The following CEP290 variants were observed in gnomAD, a reference collection of about 807,000 sequenced individuals.
CEP290 encodes the protein centrosomal protein 290.
Under a neutral mutation model 344.9 loss-of-function variants are expected in CEP290, and 317 were observed. The observed-to-expected ratio is 0.92, with a 90% CI of 0.84 to 1.01. The LOEUF (loss-of-function observed/expected upper bound fraction) is 1.01, where lower values mean the gene tolerates loss of function less well. Among genes scored for constraint, CEP290 ranks in the 50% least tolerant of loss-of-function variants. CEP290 has a pLI of 0.00. For synonymous variants in CEP290, 932 were observed against 895.8 expected (o/e 1.04, Z -0.72); for missense variants, 2,754 against 2,761.4 (o/e 1.00, Z 0.06).
chr12:88,118,447 T>C (rs1327472637), intron 17 of CEP290, 36 bp downstream of exon 17: 3 of 1,455,548 alleles, frequency 2.1e-6, no homozygotes, highest in Non-Finnish European at 2.8e-6. Flanking sequence ...CACTTATCAA[T>C]AATTCTTTTT....
rs1274778299 is a variant in CEP290, at chr12:88,062,750, C to T, written c.6299G>A (p.Cys2100Tyr). The T allele has an allele frequency of 4.4e-6, 7 of 1,592,448 alleles. No individual in the cohort carries two copies. The highest frequency in any genetic ancestry group is 1.7e-4 in the Middle Eastern group (1 of 6,026). The change falls in exon 46 of 54, where the codon TGT becomes TAT. Residue 2100 changes from cysteine (C) to tyrosine (Y), a missense_variant. Coordinates refer to ENST00000552810, the MANE Select transcript of CEP290 (RefSeq NM_025114.4). ...KNQVRDLKEM[C>Y]EFLKKEKAEV... ...TGCTTTTTCTTTCTTAAGAAATTCA[C>T]ACATTTCCTTCAAATCTCTGACTTG...
At chr12:88,133,154 C>T (rs2040177266) in intron 6 of CEP290, among the ~76,000 whole-genome samples, 1 of 150,756 alleles carries the variant, frequency 6.6e-6, no homozygotes. Context: ...CAGCTCACTG[C>T]AACCTCTGCC....
chr12:88,093,946 T>C lies in CEP290; in HGVS notation c.3133A>G (p.Lys1045Glu). 1 of 1,611,810 alleles carries C rather than the reference T, an allele frequency of 6.2e-7. No individual in the cohort carries two copies. Among genetic ancestry groups the C allele is most frequent in the Non-Finnish European group, 8.5e-7 (1 of 1,179,132 alleles). Residue 1045 changes from lysine to glutamate, a missense_variant, in exon 28 of 54, where the codon AAA becomes GAA. Transcript: ENST00000552810. The part of the protein sequence containing the change: ...GNESSMDKAK[K>E]SITNSDIVSI... Reference sequence around the variant, plus strand: ...ACAATGTCACTGTTGGTTATTGATTTCTTTGCCTTATCCATGCTAGATTCA... The same window carrying C: ...ACAATGTCACTGTTGGTTATTGATTCCTTTGCCTTATCCATGCTAGATTCA...
At chr12:88,091,974 G>A (rs778023840) in intron 29 of CEP290, among the ~76,000 whole-genome samples, 25 of 151,900 alleles carry the variant, frequency 1.6e-4, no homozygotes, top group Non-Finnish European at 3.4e-4. Context: ...GTGCAGTGGC[G>A]CGATCTCGGC....
rs372986399 is a variant in CEP290 at position 88,060,999 on chromosome 12, G to A, written c.6358-5C>T. The A allele has an allele frequency of 3.1e-5, 48 of 1,532,496 alleles. No homozygotes were observed. Among genetic ancestry groups the A allele is most frequent in the South Asian group, 1.9e-4 (15 of 78,774 alleles). 94.9% of individuals were successfully genotyped at this position (1,532,496 alleles called of 1,614,324 possible). Reference sequence around the variant, plus strand: ...TGTCTTTCCACTTCTACCAGACTACGAAAGAATATGTTAAATCTTTAATCA... The same window carrying A: ...TGTCTTTCCACTTCTACCAGACTACAAAAGAATATGTTAAATCTTTAATCA... On this transcript the variant is annotated splice_region_variant and splice_polypyrimidine_tract_variant and intron_variant, in intron 46 of 53. Coordinates refer to ENST00000552810, the MANE Select transcript of CEP290 (RefSeq NM_025114.4).
intron 49 of CEP290, among the ~76,000 whole-genome samples, chr12:88,056,547 C>A (rs2034019490): frequency 1.3e-5 from 2 of 152,064 alleles, no homozygotes; most frequent in African/African-American, 4.8e-5. Context: ...CAGAGATTAT[C>A]ACAGATCTAC....
In CEP290 at chr12:88,077,312, T is replaced by C. The variant is rs2035852547; in HGVS notation, c.5619A>G (p.Leu1873=). 5.0e-6 allele frequency: 8 copies of C among 1,584,324 alleles called. No individual in the cohort carries two copies. In the Admixed American group the frequency reaches 5.2e-5, roughly 10 times the overall value. ...TAACTTTCCTTTGGAGTTCTTCAAT[T>C]AGACTTTGTTTATTATCTGTCAGGG... ...GKPLTDNKQS[L]IEELQRKVKK... is the part of the protein sequence containing the mutation. The change falls in exon 41 of 54, where the codon CTA becomes CTG. Residue 1873 remains leucine (L), a synonymous_variant. Transcript: ENST00000552810.
In CEP290 at chr12:88,111,310, T is replaced by C. The variant is rs1269755462; in HGVS notation, c.2259A>G (p.Ser753=). ...CTTTAAAAACAACATTTGATCCTTCTGATTGTCGTAAAAGACTAGTTTCTT... is the reference window on the plus strand; with the variant it reads ...CTTTAAAAACAACATTTGATCCTTCCGATTGTCGTAAAAGACTAGTTTCTT... ...LEKETSLLRQ[S]EGSNVVFKGI... is the part of the protein sequence containing the mutation. Residue 753 remains serine (S), a synonymous_variant, in exon 22 of 54, where the codon TCA becomes TCG. Transcript: ENST00000552810. 9.0e-6 allele frequency: 14 copies of C among 1,563,222 alleles called. No homozygotes were observed. The highest frequency in any genetic ancestry group is 1.4e-5 in the African/African-American group (1 of 73,472).
intron 27 of CEP290, among the ~76,000 whole-genome samples, chr12:88,094,445 A>C (rs933579396): frequency 6.6e-6 from 1 of 152,264 alleles, no homozygotes; most frequent in Middle Eastern, 3.4e-3. Context: ...TGATGGATAG[A>C]TTCTACCAAA....
intron 5 of CEP290, among the ~76,000 whole-genome samples, chr12:88,137,248 A>G (rs955713605): frequency 1.3e-5 from 2 of 152,186 alleles, no homozygotes; most frequent in Non-Finnish European, 2.9e-5. Flanking sequence ...AGTGCTGTCC[A>G]GTTCAATAGC....
intron 27 of CEP290, among the ~76,000 whole-genome samples, chr12:88,096,110 ATGATCT>A (rs1334735210): frequency 6.6e-6 from 1 of 151,076 alleles, no homozygotes; most frequent in African/African-American, 2.4e-5. Flanking sequence ...GTGCTGTGGT[ATGATCT>A]TGGCTCACTG....
chr12:88,075,276 T>C (rs1362616514), intron 41 of CEP290, among the ~76,000 whole-genome samples: 2 of 26,432 alleles, frequency 7.6e-5, no homozygotes, highest in African/African-American at 1.6e-4. Context: ...GTTTGAGAAC[T>C]TTTTCCAAAA....
At chr12:88,118,779 A>T (rs1290435940) in intron 15 of CEP290, 36 bp from the exon 16 acceptor site, 1 of 1,478,598 alleles carries the variant, frequency 6.8e-7, no homozygotes, top group Admixed American at 1.9e-5. Flanking sequence ...AAACTTAAAA[A>T]CATTCAAATA....
In CEP290 at chr12:88,106,754, T is replaced by G. The variant is rs2038309497; in HGVS notation, c.2738A>C (p.Glu913Ala). 2 of 1,611,408 alleles carry G rather than the reference T, an allele frequency of 1.2e-6. No individual in the cohort carries two copies. The highest frequency in any genetic ancestry group is 1.7e-6 in the Non-Finnish European group (2 of 1,178,636). The change falls in exon 25 of 54, where the codon GAA (glutamate) becomes GCA (alanine). Residue 913 changes from glutamate to alanine, a missense_variant. By Grantham distance (107) the Glu-to-Ala change is moderately radical. Coordinates refer to ENST00000552810, the MANE Select transcript of CEP290 (RefSeq NM_025114.4). ...CAATTCATTCTTTTGCTTCTCATTT[T>G]CTTTTCTAAGTTGTCGCTCCAATTC... ...LVELERQLRK[E>A]NEKQKNELLS...
intron 38 of CEP290, 61 bp downstream of exon 38, chr12:88,080,121 C>T (rs1480886176): frequency 3.7e-6 from 4 of 1,088,260 alleles, no homozygotes; most frequent in African/African-American, 1.6e-5. Context: ...TACAAATCTT[C>T]TCTAAAAGCA....
In CEP290 at chr12:88,125,342, T is replaced by C; in HGVS notation, c.1093A>G (p.Lys365Glu). The change falls in exon 13 of 54, where the codon AAG becomes GAG. Residue 365 changes from lysine to glutamate, a missense_variant. Coordinates refer to ENST00000552810, the MANE Select transcript of CEP290 (RefSeq NM_025114.4). ...QGIQERDSQIKMLTEQVEQYT... is the reference protein window; with the variant it reads ...QGIQERDSQIEMLTEQVEQYT... ...TGTTCTACTTGTTCGGTGAGCATCT[T>C]AATTTGACTGTCTCGTTCCTGTATA... The C allele has an allele frequency of 7.6e-7, 1 of 1,322,592 alleles. No homozygotes were observed. Among genetic ancestry groups the C allele is most frequent in the Non-Finnish European group, 9.9e-7 (1 of 1,007,764 alleles). 81.9% of individuals were successfully genotyped at this position (1,322,592 alleles called of 1,614,324 possible).
chr12:88,091,231 T>A (rs1318127321), intron 29 of CEP290, among the ~76,000 whole-genome samples: 1 of 152,152 alleles, frequency 6.6e-6, no homozygotes, highest in African/African-American at 2.4e-5. Flanking sequence ...TAATTTGGAA[T>A]ATGCTAGGAT....
chr12:88,124,180 T>C (rs2039588150), intron 13 of CEP290, among the ~76,000 whole-genome samples: 1 of 152,114 alleles, frequency 6.6e-6, no homozygotes, highest in South Asian at 2.1e-4. Context: ...CCCTTCTCAC[T>C]TAAAAGCCAA....
At chr12:88,116,448 T>C (rs2039041403) in intron 18 of CEP290, among the ~76,000 whole-genome samples, 1 of 152,222 alleles carries the variant, frequency 6.6e-6, no homozygotes, top group Non-Finnish European at 1.5e-5. Context: ...TATGGTCATA[T>C]TCTCTTCTGT....
Sources: allele counts gnomAD v4.1 joint callset (sites outside exome capture counted in the v4.1 genomes callset), GRCh38; gene constraint gnomAD v4.1.1; transcripts MANE v1.5; gene names NCBI Gene and HGNC (gene_info 2026-07-23, HGNC 2026-07-21).